The following RGS6 variants were observed in gnomAD, a reference collection of about 807,000 sequenced individuals.
RGS6 encodes the protein regulator of G protein signaling 6, also known as regulator of G-protein signaling 6.
Under a neutral mutation model 78.5 loss-of-function variants are expected in RGS6, and 30 were observed. The observed-to-expected ratio is 0.38, with a 90% CI of 0.29 to 0.52. The LOEUF (loss-of-function observed/expected upper bound fraction) is 0.52. Among genes scored for constraint, RGS6 ranks in the 20% least tolerant of loss-of-function variants. The pLI is 0.85. For missense variants in RGS6, 495 were observed against 609.7 expected, an observed-to-expected ratio of 0.81 and a Z score of 1.98; for synonymous variants, 206 against 206.0, an observed-to-expected ratio of 1.00 and a Z score of 0.00.
chr14:72,211,002 AC>A lies in RGS6; in HGVS notation c.85-141090del, dbSNP rs1336818367. ...TTTTTCATCTTGTGTCAAAATCAGA[AC>A]CCTTTGTTTTACCATTTGCTTTTAA... is the stretch of plus-strand genomic sequence containing the variant. On this transcript the variant is annotated intron_variant, in intron 2 of 17. Coordinates refer to ENST00000553525, the MANE Select transcript of RGS6 (RefSeq NM_001204424.2). Among the ~76,000 whole-genome samples, 3 of 152,234 alleles carry A rather than the reference AC, an allele frequency of 2.0e-5. No homozygotes were observed. In the East Asian group the frequency reaches 5.8e-4, roughly 29 times the overall value.
At chr14:71,927,695 T>C (rs1003227363), upstream of RGS6, among the ~76,000 whole-genome samples, 8 of 151,556 alleles carry the variant, frequency 5.3e-5, no homozygotes, top group African/African-American at 1.9e-4. Context: ...TTTCGCTCTG[T>C]CGCCCAGGCT....
At chr14:72,540,898 A>G (rs1214449489) in intron 17 of RGS6, 4 of 985,326 alleles carry the variant, frequency 4.1e-6, no homozygotes, top group African/African-American at 1.7e-5. Flanking sequence ...AGCCGTGGCA[A>G]CAGGTGGGAG....
chr14:72,125,455 A>G (rs1465767258), intron 2 of RGS6, among the ~76,000 whole-genome samples: 1 of 152,026 alleles, frequency 6.6e-6, no homozygotes, highest in Non-Finnish European at 1.5e-5. Context: ...TGATAACCCA[A>G]CCAGGCCCCT....
chr14:72,047,098 G>A (rs756957383), intron 2 of RGS6, among the ~76,000 whole-genome samples: 12 of 152,110 alleles, frequency 7.9e-5, no homozygotes, highest in South Asian at 4.2e-4. Flanking sequence ...AGTAACTTGC[G>A]TAGACAGCTG....
intron 2 of RGS6, among the ~76,000 whole-genome samples, chr14:72,176,255 A>G (rs2097103038): frequency 6.6e-6 from 1 of 152,198 alleles, no homozygotes; most frequent in African/African-American, 2.4e-5. Flanking sequence ...TGTGGAACCC[A>G]AGAAAGTGAT....
At chr14:72,064,433 G>A (rs2094038069) in intron 2 of RGS6, among the ~76,000 whole-genome samples, 1 of 152,184 alleles carries the variant, frequency 6.6e-6, no homozygotes, top group East Asian at 1.9e-4. Context: ...TACTTTTGCT[G>A]CATGGTTGGG....
intron 1 of RGS6, among the ~76,000 whole-genome samples, chr14:71,959,675 C>G (rs549906944): frequency 6.7e-6 from 1 of 148,348 alleles, no homozygotes; most frequent in Non-Finnish European, 1.5e-5. Flanking sequence ...CTCTGATGCA[C>G]GAGTCAGAAC....
intron 17 of RGS6, among the ~76,000 whole-genome samples, chr14:72,548,338 TGTGTGCGCGC>T (rs902512217): frequency 3.0e-5 from 4 of 132,648 alleles, no homozygotes; most frequent in East Asian, 2.6e-4. Flanking sequence ...TGTGTGTGTG[TGTGTGCGCGC>T]GTGTGTGTGT....
chr14:72,465,962 C>T, intron 7 of RGS6, 140 bp downstream of exon 7: 1 of 605,782 alleles, frequency 1.7e-6, no homozygotes, highest in South Asian at 2.2e-5. Flanking sequence ...TCTATTTCTC[C>T]TCCCTTGTTC....
chr14:72,181,586 C>G (rs1229412678), intron 2 of RGS6, among the ~76,000 whole-genome samples: 2 of 152,180 alleles, frequency 1.3e-5, no homozygotes, highest in East Asian at 1.9e-4. Flanking sequence ...TAAACTGATT[C>G]CTTCTGCATA....
At chr14:72,113,343 T>G (rs565543134) in intron 2 of RGS6, among the ~76,000 whole-genome samples, 66 of 152,310 alleles carry the variant, frequency 4.3e-4, no homozygotes, top group African/African-American at 1.5e-3. Flanking sequence ...TGGAGCAGAT[T>G]CAGACTCAGG....
chr14:72,352,684 G>A (rs2079354376), intron 3 of RGS6, among the ~76,000 whole-genome samples: 1 of 151,886 alleles, frequency 6.6e-6, no homozygotes, highest in Admixed American at 6.6e-5. Flanking sequence ...ATTTTATTGT[G>A]AAATATATTA....
At chr14:72,480,726 A>G (rs993736068) in intron 12 of RGS6, among the ~76,000 whole-genome samples, 4 of 152,162 alleles carry the variant, frequency 2.6e-5, no homozygotes, top group African/African-American at 9.7e-5. Context: ...AGAAGCTGCC[A>G]GAGATGCAGG....
chr14:72,530,798 T>C (rs1025285346), intron 15 of RGS6, among the ~76,000 whole-genome samples: 3 of 152,208 alleles, frequency 2.0e-5, no homozygotes, highest in African/African-American at 7.2e-5. Flanking sequence ...GAGCCAAGAT[T>C]TTCATGCTCC....
chr14:72,472,036 C>T (rs2096090985), intron 8 of RGS6, among the ~76,000 whole-genome samples: 2 of 152,006 alleles, frequency 1.3e-5, no homozygotes, highest in South Asian at 2.1e-4. Flanking sequence ...TCACAAAAAT[C>T]GCAGGGTGAT....
chr14:72,484,165 A>C (rs893958793), intron 12 of RGS6, among the ~76,000 whole-genome samples: 9 of 152,128 alleles, frequency 5.9e-5, no homozygotes, highest in African/African-American at 2.2e-4. Flanking sequence ...CACCCCCTTT[A>C]ATATTCCAAT....
intron 1 of RGS6, among the ~76,000 whole-genome samples, chr14:71,939,048 A>G (rs2090055011): frequency 6.6e-6 from 1 of 152,148 alleles, no homozygotes; most frequent in South Asian, 2.1e-4. Flanking sequence ...AGCAGCCTGG[A>G]CCTGTTGCAG....
At chr14:71,930,032 T>C (rs1240268792), upstream of RGS6, among the ~76,000 whole-genome samples, 1 of 152,226 alleles carries the variant, frequency 6.6e-6, no homozygotes, top group African/African-American at 2.4e-5. Context: ...CAGTGGAGGA[T>C]GGTATTAAGA....
chr14:72,028,053 C>T (rs2090208318), intron 2 of RGS6, among the ~76,000 whole-genome samples: 1 of 152,210 alleles, frequency 6.6e-6, no homozygotes, highest in Non-Finnish European at 1.5e-5. Context: ...CCCTTGCTGA[C>T]ACTGATATTG....
Sources: gnomAD v4.1 joint callset for allele counts (sites outside exome capture counted in the v4.1 genomes callset) on GRCh38, gnomAD v4.1.1 for gene constraint, MANE v1.5 for transcripts, NCBI Gene and HGNC (gene_info 2026-07-23, HGNC 2026-07-21) for gene names.